MAP1LC3B2: variants seen among roughly 807,000 people sequenced by gnomAD.
The protein encoded by MAP1LC3B2 is microtubule-associated protein 1 light chain 3 beta 2.
For missense variants in MAP1LC3B2, 155 were observed against 154.6 expected, an observed-to-expected ratio of 1.00 and a Z score of -0.01; for synonymous variants, 62 against 57.8, an observed-to-expected ratio of 1.07 and a Z score of -0.33.
chr12:116,567,854 A>T (rs1265398756), intron 1 of MAP1LC3B2, among the ~76,000 whole-genome samples: 1 of 152,112 alleles, frequency 6.6e-6, no homozygotes, highest in Non-Finnish European at 1.5e-5. Flanking sequence ...GGAATGACAG[A>T]CTCATTTTAT....
chr12:116,561,554 A>C (rs1869271525), intron 1 of MAP1LC3B2, among the ~76,000 whole-genome samples: 1 of 152,196 alleles, frequency 6.6e-6, no homozygotes, highest in South Asian at 2.1e-4. Flanking sequence ...ATCAGGAAGC[A>C]GGATGGGGCC....
intron 1 of MAP1LC3B2, among the ~76,000 whole-genome samples, chr12:116,566,930 CAAAAAAAAAAAAAAAAAAAAAAAAA>C (rs56405000): frequency 2.6e-4 from 7 of 26,762 alleles, no homozygotes; most frequent in East Asian, 1.1e-3. Context: ...GACTCTGTCT[CAAAAAAAAAAAAAAAAAAAAAAAAA>C]AAAAAAAAAA....
intron 1 of MAP1LC3B2, among the ~76,000 whole-genome samples, chr12:116,570,612 C>T (rs973094301): frequency 6.6e-6 from 1 of 152,142 alleles, no homozygotes; most frequent in Non-Finnish European, 1.5e-5. Context: ...ATAAGGGGTT[C>T]CCCCTTTCAC....
chr12:116,561,198 C>A (rs770337952), intron 1 of MAP1LC3B2, among the ~76,000 whole-genome samples: 2 of 151,896 alleles, frequency 1.3e-5, no homozygotes, highest in African/African-American at 2.4e-5. Flanking sequence ...TCTCTTGAGC[C>A]CAGAAGTTCG....
chr12:116,575,942 C>T lies in MAP1LC3B2; in HGVS notation c.-1C>T. 6.2e-7 allele frequency: 1 copy of T among 1,614,216 alleles called. No homozygotes were observed. The highest frequency in any genetic ancestry group is 8.5e-7 in the Non-Finnish European group (1 of 1,180,040). On this transcript the variant is annotated 5_prime_UTR_variant, in exon 2 of 2. Coordinates refer to ENST00000556529, the MANE Select transcript of MAP1LC3B2 (RefSeq NM_001085481.3). Reference sequence around the variant, plus strand: ...GCCGCCGCGGCCCAGATCCCCACACCATGCCGTCGGAGAAGACCTTCAAGC... The same window carrying T: ...GCCGCCGCGGCCCAGATCCCCACACTATGCCGTCGGAGAAGACCTTCAAGC...
In MAP1LC3B2 at chr12:116,576,232, A is replaced by T; in HGVS notation, c.290A>T (p.Glu97Val). The change falls in exon 2 of 2, where the codon GAG becomes GTG. Residue 97 changes from glutamate (E) to valine (V), a missense_variant. Glu to Val is a moderately radical substitution (Grantham distance 121, BLOSUM62 -2). Coordinates refer to ENST00000556529, the MANE Select transcript of MAP1LC3B2 (RefSeq NM_001085481.3). ...GTCAGCGTCTCCACACCAATCTCAG[A>T]GGTGTATGAGAGTGAGAAAGATGAA... ...SMVSVSTPISEVYESEKDEDG... is the reference protein window; with the variant it reads ...SMVSVSTPISVVYESEKDEDG... The T allele has an allele frequency of 9.3e-6, 15 of 1,614,062 alleles. No individual in the cohort carries two copies. The highest frequency in any genetic ancestry group is 1.3e-5 in the Non-Finnish European group (15 of 1,179,990).
intron 1 of MAP1LC3B2, among the ~76,000 whole-genome samples, chr12:116,562,484 A>C (rs1193188917): frequency 2.0e-5 from 3 of 152,248 alleles, no homozygotes; most frequent in Non-Finnish European, 4.4e-5. Flanking sequence ...CTTGCATAAA[A>C]TCACTAGTAA....
Position 116,574,477 on chromosome 12 carries a change from CAAAAAAT to C in MAP1LC3B2, c.-101-1349_-101-1343del, listed in dbSNP as rs531412562. ...GCAATATGGCAAAACTCCACTTCTA[CAAAAAAT>C]AAAAAATAAAAAATAGCTGGGTGTG... On this transcript the variant is annotated intron_variant, in intron 1 of 1. Coordinates refer to ENST00000556529, the MANE Select transcript of MAP1LC3B2 (RefSeq NM_001085481.3). 3.9e-3 allele frequency among the ~76,000 whole-genome samples: 595 copies of C among 151,882 alleles called. 5 individuals carry two copies. Among genetic ancestry groups the C allele is most frequent in the African/African-American group, 0.013 (534 of 41,450 alleles).
Position 116,575,878 on chromosome 12 carries a change from G to A in MAP1LC3B2, c.-65G>A, listed in dbSNP as rs573344733. The A allele has an allele frequency of 3.7e-6, 6 of 1,600,212 alleles. No individual in the cohort carries two copies. In the South Asian group the frequency reaches 4.4e-5, roughly 12 times the overall value. On this transcript the variant is annotated 5_prime_UTR_variant, in exon 2 of 2. Coordinates refer to ENST00000556529, the MANE Select transcript of MAP1LC3B2 (RefSeq NM_001085481.3). ...CACAGTCGGATTCGCTGCCGCAGCA[G>A]CCGCCACCCCCAGGAGCCGCCGGGA...
chr12:116,572,460 G>A (rs931745912), intron 1 of MAP1LC3B2, among the ~76,000 whole-genome samples: 3 of 151,230 alleles, frequency 2.0e-5, no homozygotes, highest in Admixed American at 2.0e-4. Context: ...CGCCTCCCAG[G>A]CCCACACCAT....
chr12:116,574,470 A>C (rs1339877178), intron 1 of MAP1LC3B2, among the ~76,000 whole-genome samples: 1 of 151,936 alleles, frequency 6.6e-6, no homozygotes, highest in Admixed American at 6.6e-5. Flanking sequence ...GCAAAACTCC[A>C]CTTCTACAAA....
chr12:116,571,618 C>G (rs1444657386), intron 1 of MAP1LC3B2, among the ~76,000 whole-genome samples: 1 of 151,320 alleles, frequency 6.6e-6, no homozygotes, highest in Admixed American at 6.6e-5. Flanking sequence ...GTAGCTGGGA[C>G]TACAGGTGCC....
intron 1 of MAP1LC3B2, among the ~76,000 whole-genome samples, chr12:116,571,961 G>T: frequency 9.3e-6 from 1 of 107,804 alleles, no homozygotes; most frequent in Non-Finnish European, 2.0e-5. Flanking sequence ...AGCTATGACC[G>T]TTACAAAAAA....
intron 1 of MAP1LC3B2, among the ~76,000 whole-genome samples, chr12:116,562,725 G>GT (rs1280842056): frequency 6.6e-6 from 1 of 152,190 alleles, no homozygotes; most frequent in African/African-American, 2.4e-5. Flanking sequence ...TTTTCTCACA[G>GT]TTGCTTCAGA....
chr12:116,571,605 C>T (rs1377952138), intron 1 of MAP1LC3B2, among the ~76,000 whole-genome samples: 1 of 150,852 alleles, frequency 6.6e-6, no homozygotes, highest in Non-Finnish European at 1.5e-5. Context: ...CTCAGCCTCC[C>T]GAGTAGCTGG....
Position 116,575,998 on chromosome 12 carries a change from A to T in MAP1LC3B2, c.56A>T (p.Asp19Val), listed in dbSNP as rs1415890038. ...QRRTFEQRVE[D>V]VRLIREQHPT... ...CGCACCTTCGAACAAAGAGTAGAAG[A>T]TGTCCGACTTATTCGAGAGCAGCAT... The change falls in exon 2 of 2, where the codon GAT (aspartate) becomes GTT (valine). Residue 19 changes from aspartate to valine, a missense_variant. By Grantham distance (152) the Asp-to-Val change is radical. Coordinates refer to ENST00000556529, the MANE Select transcript of MAP1LC3B2 (RefSeq NM_001085481.3). 2 of 1,614,238 alleles carry T rather than the reference A, an allele frequency of 1.2e-6. No individual in the cohort carries two copies. The highest frequency in any genetic ancestry group is 2.2e-5 in the South Asian group (2 of 91,082).
intron 1 of MAP1LC3B2, among the ~76,000 whole-genome samples, chr12:116,563,921 T>C (rs2136959501): frequency 6.6e-6 from 1 of 152,266 alleles, no homozygotes; most frequent in East Asian, 1.9e-4. Flanking sequence ...TATTATTTTA[T>C]TTTTTAACAA....
At position 116,576,029 on chromosome 12, in the gene MAP1LC3B2, C is replaced by A. The variant is rs539169146; in HGVS notation, c.87C>A (p.Thr29=). The change falls in exon 2 of 2, where the codon ACC becomes ACA. Residue 29 remains threonine, a synonymous_variant. Coordinates refer to ENST00000556529, the MANE Select transcript of MAP1LC3B2 (RefSeq NM_001085481.3). ...GACTTATTCGAGAGCAGCATCCAAC[C>A]AAAATCCCGGTGATAATAGAACGAT... ...DVRLIREQHP[T]KIPVIIERYK... 2.7e-5 allele frequency: 43 copies of A among 1,614,200 alleles called. No homozygotes were observed. In the East Asian group the frequency reaches 8.0e-4, roughly 30 times the overall value.
rs183223685 is a variant in MAP1LC3B2 at position 116,559,920 on chromosome 12, T to C, written c.-102+487T>C. On this transcript the variant is annotated intron_variant, in intron 1 of 1. Coordinates refer to ENST00000556529, the MANE Select transcript of MAP1LC3B2 (RefSeq NM_001085481.3). Reference sequence around the variant, plus strand: ...TTGACGGTTACTGCTCCAGTTTTGCTGAGTCAGAAGAATCCCACAGCCGCT... The same window carrying C: ...TTGACGGTTACTGCTCCAGTTTTGCCGAGTCAGAAGAATCCCACAGCCGCT... 5.2e-3 allele frequency: 791 copies of C among 152,038 alleles called. 7 individuals carry two copies. The highest frequency in any genetic ancestry group is 0.018 in the African/African-American group (753 of 41,440). The allele number at this position is 152,038 out of a possible 1,614,324, so 9.4% of individuals were successfully genotyped here.
Sources: allele counts gnomAD v4.1 joint callset (sites outside exome capture counted in the v4.1 genomes callset), GRCh38; gene constraint gnomAD v4.1.1; transcripts MANE v1.5; gene names NCBI Gene and HGNC (gene_info 2026-07-23, HGNC 2026-07-21).